The following PDE1C variants were observed in gnomAD, a reference collection of about 807,000 sequenced individuals.
The protein encoded by PDE1C is phosphodiesterase 1C, also known as dual specificity calcium/calmodulin-dependent 3',5'-cyclic nucleotide phosphodiesterase 1C.
Under a neutral mutation model 93.1 loss-of-function variants are expected in PDE1C, and 62 were observed. The observed-to-expected ratio is 0.67, with a 90% CI of 0.54 to 0.82. PDE1C has a LOEUF of 0.82. PDE1C is among the 40% of genes least tolerant of loss of function. The probability of loss-of-function intolerance (pLI) is 0.00; values close to 1 mark genes in which losing one functional copy is unlikely to be tolerated. For synonymous variants in PDE1C, 325 were observed against 310.1 expected (o/e 1.05, Z -0.50); for missense variants, 742 against 884.6 (o/e 0.84, Z 2.04).
At chr7:31,862,323 T>C (rs1273649757) in intron 7 of PDE1C, among the ~76,000 whole-genome samples, 1 of 152,224 alleles carries the variant, frequency 6.6e-6, no homozygotes, top group Non-Finnish European at 1.5e-5. Context: ...TGATACCCTC[T>C]TAACTTGTCC....
intron 3 of PDE1C, among the ~76,000 whole-genome samples, chr7:32,127,275 T>C (rs774909325): frequency 1.2e-4 from 18 of 152,160 alleles, no homozygotes; most frequent in Non-Finnish European, 2.1e-4. Flanking sequence ...AGCTAATAAT[T>C]TTTATAATAA....
chr7:31,709,129 C>T, the PDE1C span, among the ~76,000 whole-genome samples: 1 of 152,216 alleles, frequency 6.6e-6, no homozygotes, highest in Non-Finnish European at 1.5e-5. Context: ...TGTATGAACA[C>T]AGAGTACACC....
intron 13 of PDE1C, 37 bp downstream of exon 13, chr7:31,824,830 C>T: frequency 6.2e-7 from 1 of 1,608,490 alleles, no homozygotes; most frequent in Non-Finnish European, 8.5e-7. Context: ...CAAGGACAGG[C>T]CAACCTCACC....
chr7:32,155,622 G>A (rs1169350593), intron 3 of PDE1C, among the ~76,000 whole-genome samples: 2 of 152,212 alleles, frequency 1.3e-5, no homozygotes, highest in African/African-American at 2.4e-5. Context: ...CAAGCATTGA[G>A]CAGGATGCTG....
At chr7:32,427,450 G>A (rs548794383) in intron 1 of PDE1C, among the ~76,000 whole-genome samples, 1 of 152,262 alleles carries the variant, frequency 6.6e-6, no homozygotes, top group South Asian at 2.1e-4. Flanking sequence ...AACTAGGTCT[G>A]GACAAGCAGG....
At chr7:31,864,599 A>G (rs1429736649) in intron 7 of PDE1C, among the ~76,000 whole-genome samples, 2 of 152,372 alleles carry the variant, frequency 1.3e-5, no homozygotes, top group South Asian at 2.1e-4. Context: ...TTCAGTATAC[A>G]TGAATATCAT....
At chr7:31,915,969 TAGCA>T (rs1401253887) in intron 2 of PDE1C, among the ~76,000 whole-genome samples, 1 of 152,102 alleles carries the variant, frequency 6.6e-6, no homozygotes, top group Admixed American at 6.6e-5. Context: ...GGGGAAAACT[TAGCA>T]AGGCCTGTCT....
chr7:32,336,038 T>C (rs565723367), intron 1 of PDE1C, among the ~76,000 whole-genome samples: 5 of 152,302 alleles, frequency 3.3e-5, no homozygotes, highest in Admixed American at 1.3e-4. Context: ...ACATCTGAGA[T>C]ACTGGGAGTT....
intron 1 of PDE1C, among the ~76,000 whole-genome samples, chr7:32,316,301 C>T (rs537827781): frequency 2.6e-5 from 4 of 152,184 alleles, no homozygotes; most frequent in Non-Finnish European, 4.4e-5. Flanking sequence ...ATTCTCCATA[C>T]ATCAGTATGA....
intron 1 of PDE1C, among the ~76,000 whole-genome samples, chr7:32,248,328 C>T (rs756160919): frequency 4.7e-4 from 71 of 152,230 alleles, no homozygotes; most frequent in Non-Finnish European, 8.1e-4. Flanking sequence ...CTTCAAAGAA[C>T]GTGCACCAAG....
chr7:32,313,243 G>C (rs1783093261), intron 1 of PDE1C, among the ~76,000 whole-genome samples: 1 of 152,106 alleles, frequency 6.6e-6, no homozygotes, highest in South Asian at 2.1e-4. Flanking sequence ...TCATTAAAAA[G>C]TCAGGAAACA....
chr7:32,153,303 C>G (rs991641241), intron 3 of PDE1C, among the ~76,000 whole-genome samples: 1 of 152,162 alleles, frequency 6.6e-6, no homozygotes, highest in Non-Finnish European at 1.5e-5. Flanking sequence ...ATTCTGTGAT[C>G]ATTCCAAATC....
At position 32,025,332 on chromosome 7, in the gene PDE1C, A is replaced by C. The variant is rs188497666; in HGVS notation, c.128+26222T>G. Among the ~76,000 whole-genome samples, 12 of 152,254 alleles carry C rather than the reference A, an allele frequency of 7.9e-5. No homozygotes were observed. In the East Asian group the frequency reaches 2.3e-3, roughly 29 times the overall value. On this transcript the variant is annotated intron_variant, in intron 2 of 17. Coordinates refer to ENST00000396191, the MANE Select transcript of PDE1C (RefSeq NM_001191057.4). Reference sequence around the variant, plus strand: ...GACACAAGTAACAGCTTGAAACCCAAGGCCAGGGTCCAGATGGGTGTAGAG... The same window carrying C: ...GACACAAGTAACAGCTTGAAACCCACGGCCAGGGTCCAGATGGGTGTAGAG...
At chr7:32,293,461 A>T (rs1400016070) in intron 1 of PDE1C, among the ~76,000 whole-genome samples, 1 of 152,174 alleles carries the variant, frequency 6.6e-6, no homozygotes, top group East Asian at 1.9e-4. Context: ...ACCGGTTTTA[A>T]CCAGCATTAA....
At chr7:31,764,772 A>T (rs1795038238) in intron 17 of PDE1C, among the ~76,000 whole-genome samples, 1 of 152,212 alleles carries the variant, frequency 6.6e-6, no homozygotes, top group Non-Finnish European at 1.5e-5. Context: ...TATGCAGTAT[A>T]TGCATCCCCA....
At chr7:32,289,181 G>A (rs556802747) in intron 1 of PDE1C, among the ~76,000 whole-genome samples, 1 of 152,330 alleles carries the variant, frequency 6.6e-6, no homozygotes, top group East Asian at 1.9e-4. Flanking sequence ...AAAGCAGAAG[G>A]ATCGCTTGAG....
In PDE1C at chr7:31,949,804, C is replaced by T. The variant is rs554826181; in HGVS notation, c.129-68944G>A. 4.1e-4 allele frequency among the ~76,000 whole-genome samples: 63 copies of T among 152,192 alleles called. No homozygotes were observed. In the South Asian group the frequency reaches 0.012, roughly 30 times the overall value. On this transcript the variant is annotated intron_variant, in intron 2 of 17. Transcript: ENST00000396191. ...TTAGTTATGTAGAGTGCTACATTCC[C>T]TGAAGATGCCTGATAAATGAACTAG...
At chr7:32,060,733 C>A (rs1436816472) in intron 1 of PDE1C, among the ~76,000 whole-genome samples, 1 of 151,786 alleles carries the variant, frequency 6.6e-6, no homozygotes, top group Non-Finnish European at 1.5e-5. Flanking sequence ...TTAACAATGA[C>A]TAATTTCAGT....
intron 2 of PDE1C, among the ~76,000 whole-genome samples, chr7:31,908,210 C>A (rs572508703): frequency 2.7e-4 from 41 of 152,142 alleles, no homozygotes; most frequent in African/African-American, 9.9e-4. Flanking sequence ...AGTAATATTG[C>A]TGTATAAACT....
Sources: gnomAD v4.1 joint callset for allele counts (sites outside exome capture counted in the v4.1 genomes callset) on GRCh38, gnomAD v4.1.1 for gene constraint, MANE v1.5 for transcripts, NCBI Gene and HGNC (gene_info 2026-07-23, HGNC 2026-07-21) for gene names.